UBASH3A: variants seen among roughly 807,000 people sequenced by gnomAD.
UBASH3A encodes the protein ubiquitin associated and SH3 domain containing A, also known as ubiquitin-associated and SH3 domain-containing protein A.
UBASH3A carries 63 observed loss-of-function variants against 73.5 expected under a neutral mutation model. The observed-to-expected ratio is 0.86, with a 90% CI of 0.70 to 1.06. The LOEUF is 1.06. UBASH3A is among the 50% of genes least tolerant of loss of function. UBASH3A has a pLI of 0.00. For synonymous variants in UBASH3A, 363 were observed against 351.1 expected, an observed-to-expected ratio of 1.03 and a Z score of -0.38; for missense variants, 860 against 859.0, an observed-to-expected ratio of 1.00 and a Z score of -0.02.
chr21:42,404,105 C>T, intron 1 of UBASH3A, 47 bp downstream of exon 1: 1 of 1,160,966 alleles, frequency 8.6e-7, no homozygotes, highest in Non-Finnish European at 1.1e-6. Context: ...AAGGCTGGTG[C>T]CAGACCCTGC....
intron 13 of UBASH3A, among the ~76,000 whole-genome samples, chr21:42,443,910 T>TCAA (rs1464411740): frequency 2.6e-5 from 4 of 152,182 alleles, no homozygotes; most frequent in Non-Finnish European, 4.4e-5. Context: ...CCAAGGGATT[T>TCAA]GAGTCAGCTT....
chr21:42,411,582 C>T (rs2053098169), intron 3 of UBASH3A, among the ~76,000 whole-genome samples: 1 of 152,156 alleles, frequency 6.6e-6, no homozygotes, highest in African/African-American at 2.4e-5. Context: ...GACACACACA[C>T]ATATAGACAT....
intron 8 of UBASH3A, among the ~76,000 whole-genome samples, chr21:42,430,663 C>T (rs183916736): frequency 5.4e-4 from 83 of 152,304 alleles, no homozygotes; most frequent in African/African-American, 1.5e-3. Context: ...AGGCCGTGTT[C>T]GCTCTGCCCC....
intron 7 of UBASH3A, among the ~76,000 whole-genome samples, chr21:42,420,124 T>C (rs2053307153): frequency 6.6e-6 from 1 of 152,162 alleles, no homozygotes; most frequent in East Asian, 1.9e-4. Context: ...CAATATATAA[T>C]ACATATAAGT....
At chr21:42,404,153 C>T (rs570317246) in intron 1 of UBASH3A, 95 bp downstream of exon 1, 45 of 608,072 alleles carry the variant, frequency 7.4e-5, no homozygotes, top group South Asian at 2.0e-4. Context: ...GTGTAGGGTA[C>T]GGCTTCCTGC....
At chr21:42,439,641 C>T (rs992303196) in intron 11 of UBASH3A, among the ~76,000 whole-genome samples, 10 of 151,870 alleles carry the variant, frequency 6.6e-5, no homozygotes, top group African/African-American at 2.4e-4. Context: ...TGCACATACA[C>T]AGCACACACA....
intron 7 of UBASH3A, among the ~76,000 whole-genome samples, chr21:42,420,328 A>G (rs1206005335): frequency 1.3e-5 from 2 of 152,172 alleles, no homozygotes; most frequent in Admixed American, 1.3e-4. Flanking sequence ...TACTATGCAA[A>G]TAGTTGTTAT....
At chr21:42,414,805 G>A (rs1883729567) in intron 5 of UBASH3A, among the ~76,000 whole-genome samples, 1 of 152,196 alleles carries the variant, frequency 6.6e-6, no homozygotes, top group South Asian at 2.1e-4. Flanking sequence ...CTAGTCTCCA[G>A]AAATGGGAGG....
intron 14 of UBASH3A, among the ~76,000 whole-genome samples, chr21:42,446,245 C>T (rs906015019): frequency 2.6e-5 from 4 of 152,194 alleles, no homozygotes; most frequent in Non-Finnish European, 5.9e-5. Flanking sequence ...CCTGCCCCTA[C>T]CCCAAAATAA....
At position 42,447,439 on chromosome 21, in the gene UBASH3A, C is replaced by A; in HGVS notation, c.*245C>A. On this transcript the variant is annotated 3_prime_UTR_variant, in exon 15 of 15. Coordinates refer to ENST00000319294, the MANE Select transcript of UBASH3A (RefSeq NM_018961.4). ...AGGGCAGGTGGCTGGGTGAGGATGC[C>A]GCCCTGCAGCATGTACACCGAGTGT... 2.3e-6 allele frequency: 1 copy of A among 433,288 alleles called. No individual in the cohort carries two copies. Among genetic ancestry groups the A allele is most frequent in the Non-Finnish European group, 4.1e-6 (1 of 244,158 alleles). 26.8% of individuals were successfully genotyped at this position (433,288 alleles called of 1,614,324 possible). A position where few individuals can be genotyped will look rare whatever the true frequency, so the allele number is the denominator to read the frequency against.
chr21:42,440,807 G>A (rs562012524), intron 11 of UBASH3A, among the ~76,000 whole-genome samples: 8 of 152,192 alleles, frequency 5.3e-5, no homozygotes, highest in African/African-American at 1.9e-4. Flanking sequence ...TAACAACAAC[G>A]AATAAAAAAG....
chr21:42,436,112 G>A (rs2053624027), intron 10 of UBASH3A, among the ~76,000 whole-genome samples: 1 of 152,046 alleles, frequency 6.6e-6, no homozygotes, highest in Non-Finnish European at 1.5e-5. Context: ...GAGTTATAGA[G>A]TCATAGTGTT....
At chr21:42,445,536 C>T (rs2053829595) in intron 14 of UBASH3A, among the ~76,000 whole-genome samples, 3 of 152,232 alleles carry the variant, frequency 2.0e-5, no homozygotes, top group African/African-American at 4.8e-5. Context: ...AGCCCAACTC[C>T]CGGGCCCAGC....
chr21:42,421,632 A>C (rs540806389), intron 7 of UBASH3A, among the ~76,000 whole-genome samples: 2 of 152,294 alleles, frequency 1.3e-5, no homozygotes, highest in Non-Finnish European at 2.9e-5. Flanking sequence ...CCAGGGAATT[A>C]TTTTCTGTAC....
rs1439102670 is a variant in UBASH3A at position 42,416,661 on chromosome 21, T to G, written c.837+50T>G. The G allele has an allele frequency of 2.1e-5, 30 of 1,431,112 alleles. 1 individual carries two copies. Among genetic ancestry groups the G allele is most frequent in the African/African-American group, 1.0e-4 (7 of 67,326 alleles). The allele number at this position is 1,431,112 out of a possible 1,614,324, so 88.7% of individuals were successfully genotyped here. On this transcript the variant is annotated intron_variant, in intron 6 of 14. Coordinates refer to ENST00000319294, the MANE Select transcript of UBASH3A (RefSeq NM_018961.4). Reference sequence around the variant, plus strand: ...TAAGAAGCAGATGAATGGGCTGGGCTCGGTGGCTCACGCCTGTAATCCCAG... The same window carrying G: ...TAAGAAGCAGATGAATGGGCTGGGCGCGGTGGCTCACGCCTGTAATCCCAG...
intron 6 of UBASH3A, among the ~76,000 whole-genome samples, 188 bp from the exon 7 acceptor site, chr21:42,418,213 T>C (rs2053260975): frequency 1.3e-5 from 2 of 152,166 alleles, no homozygotes; most frequent in Admixed American, 1.3e-4. Context: ...ATCCAAAGAA[T>C]TCTATGCTGC....
intron 11 of UBASH3A, among the ~76,000 whole-genome samples, chr21:42,441,489 A>G (rs1183866729): frequency 9.7e-6 from 1 of 103,424 alleles, no homozygotes; most frequent in Non-Finnish European, 2.0e-5. Context: ...ATGGAGGAGG[A>G]CTTGGGGGCC....
chr21:42,410,633 A>C, intron 3 of UBASH3A: 2 of 171,804 alleles, frequency 1.2e-5, no homozygotes, highest in Non-Finnish European at 1.2e-5. Flanking sequence ...ATCGACATCA[A>C]TGGTACTTGT....
In UBASH3A at chr21:42,416,618, G is replaced by T; in HGVS notation, c.837+7G>T. On this transcript the variant is annotated splice_region_variant and intron_variant, in intron 6 of 14. Transcript: ENST00000319294. ...GCGCTTTGTGCACTACCAGGTGAGAGAGCTGAGCAGGGGCTCATAAGAAGC... is the reference window on the plus strand; with the variant it reads ...GCGCTTTGTGCACTACCAGGTGAGATAGCTGAGCAGGGGCTCATAAGAAGC... 1.3e-6 allele frequency: 2 copies of T among 1,559,092 alleles called. No individual in the cohort carries two copies. The highest frequency in any genetic ancestry group is 1.7e-6 in the Non-Finnish European group (2 of 1,151,526).
Sources: allele counts gnomAD v4.1 joint callset (sites outside exome capture counted in the v4.1 genomes callset), GRCh38; gene constraint gnomAD v4.1.1; transcripts MANE v1.5; gene names NCBI Gene and HGNC (gene_info 2026-07-23, HGNC 2026-07-21).